Variants in CSMD3 observed in about 807,000 individuals in gnomAD.
CSMD3 encodes CUB and Sushi multiple domains 3.
Under a neutral mutation model 435.2 loss-of-function variants are expected in CSMD3, and 177 were observed. The observed-to-expected ratio is 0.41, with a 90% CI of 0.36 to 0.46. The LOEUF is 0.46. Among genes scored for constraint, CSMD3 ranks in the 20% least tolerant of loss-of-function variants. The probability of loss-of-function intolerance (pLI) is 0.34; values close to 1 mark genes in which losing one functional copy is unlikely to be tolerated. For synonymous variants in CSMD3, 1,656 were observed against 1,520.5 expected (o/e 1.09, Z -2.07); for missense variants, 4,265 against 4,504.6 (o/e 0.95, Z 1.52).
At chr8:112,331,942 T>C (rs1824105096) in intron 45 of CSMD3, among the ~76,000 whole-genome samples, 1 of 152,098 alleles carries the variant, frequency 6.6e-6, no homozygotes, top group African/African-American at 2.4e-5. Flanking sequence ...CTCAAATTAG[T>C]ATTAACAGGC....
chr8:113,028,497 G>A (rs1370358344), intron 5 of CSMD3, among the ~76,000 whole-genome samples: 4 of 151,576 alleles, frequency 2.6e-5, no homozygotes, highest in African/African-American at 9.6e-5. Flanking sequence ...CATGTTGAGA[G>A]CCAAGATAGA....
intron 13 of CSMD3, among the ~76,000 whole-genome samples, chr8:112,724,138 A>G (rs2076917872): frequency 6.6e-6 from 1 of 152,044 alleles, no homozygotes; most frequent in African/African-American, 2.4e-5. Flanking sequence ...AATAGGTTCC[A>G]ATTTTTATTA....
At chr8:113,163,292 T>C (rs2131842421) in intron 4 of CSMD3, among the ~76,000 whole-genome samples, 1 of 152,124 alleles carries the variant, frequency 6.6e-6, no homozygotes, top group East Asian at 1.9e-4. Flanking sequence ...GCATTGTCAA[T>C]GACCTCATCT....
intron 11 of CSMD3, among the ~76,000 whole-genome samples, chr8:112,840,962 A>C (rs763292365): frequency 6.6e-6 from 1 of 151,650 alleles, no homozygotes; most frequent in African/African-American, 2.4e-5. Flanking sequence ...TGGGGGAAGA[A>C]TATAGTAAAT....
intron 38 of CSMD3, among the ~76,000 whole-genome samples, chr8:112,361,006 T>C (rs1411052850): frequency 1.3e-5 from 2 of 151,952 alleles, no homozygotes; most frequent in African/African-American, 4.8e-5. Context: ...CTCTAAAATA[T>C]CTTTGGGAAT....
chr8:112,745,601 T>C (rs1473397857), intron 13 of CSMD3, among the ~76,000 whole-genome samples: 1 of 152,008 alleles, frequency 6.6e-6, no homozygotes, highest in East Asian at 1.9e-4. Context: ...ATTCAGCAAT[T>C]AATGAAGTTA....
intron 1 of CSMD3, among the ~76,000 whole-genome samples, chr8:113,399,019 G>T (rs113961800): frequency 6.9e-6 from 1 of 144,750 alleles, no homozygotes; most frequent in Non-Finnish European, 1.5e-5. Flanking sequence ...AAAGGAGGAA[G>T]TTTTGCATCA....
intron 31 of CSMD3, among the ~76,000 whole-genome samples, chr8:112,477,427 A>C (rs578249268): frequency 6.6e-6 from 1 of 152,244 alleles, no homozygotes; most frequent in South Asian, 2.1e-4. Flanking sequence ...TATAGTTTGA[A>C]TGTTGGTGCC....
chr8:112,418,412 C>T (rs1812139555), intron 32 of CSMD3, among the ~76,000 whole-genome samples: 1 of 152,078 alleles, frequency 6.6e-6, no homozygotes. Context: ...CCTTTTAAAT[C>T]AGTAACATAC....
chr8:113,063,085 A>G (rs1240860986), intron 5 of CSMD3, among the ~76,000 whole-genome samples: 2 of 151,734 alleles, frequency 1.3e-5, no homozygotes, highest in African/African-American at 4.8e-5. Flanking sequence ...AAAAAATTCA[A>G]ATGTTTCAAT....
intron 35 of CSMD3, among the ~76,000 whole-genome samples, chr8:112,398,475 G>T (rs1831039655): frequency 6.6e-6 from 1 of 152,180 alleles, no homozygotes; most frequent in Non-Finnish European, 1.5e-5. Flanking sequence ...AATGCTAAAG[G>T]TGTGGGGCTA....
intron 7 of CSMD3, among the ~76,000 whole-genome samples, chr8:112,962,315 C>T (rs1227970366): frequency 6.6e-6 from 1 of 151,386 alleles, no homozygotes; most frequent in Non-Finnish European, 1.5e-5. Flanking sequence ...TATTTTCTTA[C>T]TCATGATAAA....
intron 12 of CSMD3, among the ~76,000 whole-genome samples, chr8:112,825,175 C>T (rs554157414): frequency 6.6e-6 from 1 of 152,266 alleles, no homozygotes; most frequent in Admixed American, 6.5e-5. Flanking sequence ...ATATTTCTCT[C>T]TATACTGGTT....
chr8:112,623,626 TC>T (rs66468941), intron 22 of CSMD3, among the ~76,000 whole-genome samples: 81,386 of 148,772 alleles, frequency 0.55, 22,553 homozygotes, highest in African/African-American at 0.6. Flanking sequence ...TAACTCGTCA[TC>T]TAGCATTAGG....
intron 7 of CSMD3, among the ~76,000 whole-genome samples, chr8:112,955,435 G>T (rs2083980123): frequency 2.0e-5 from 3 of 151,594 alleles, no homozygotes; most frequent in Admixed American, 2.0e-4. Flanking sequence ...AGGATATTTT[G>T]ATATAAGCAT....
chr8:113,127,724 G>A (rs576846946), intron 4 of CSMD3, among the ~76,000 whole-genome samples: 8 of 152,050 alleles, frequency 5.3e-5, no homozygotes, highest in African/African-American at 1.9e-4. Context: ...AAAATTCTAA[G>A]CATATAATTA....
intron 13 of CSMD3, among the ~76,000 whole-genome samples, chr8:112,700,647 A>G (rs2076369707): frequency 6.6e-6 from 1 of 152,128 alleles, no homozygotes; most frequent in Admixed American, 6.5e-5. Context: ...CTCCTCTTCT[A>G]ATGTTACCAG....
At chr8:113,287,415 C>T (rs1018472412) in intron 2 of CSMD3, among the ~76,000 whole-genome samples, 2 of 152,004 alleles carry the variant, frequency 1.3e-5, no homozygotes, top group South Asian at 2.1e-4. Context: ...TCATGCATAT[C>T]CTATTGATAT....
chr8:113,252,964 G>T (rs145525299), intron 3 of CSMD3, among the ~76,000 whole-genome samples: 231 of 152,286 alleles, frequency 1.5e-3, no homozygotes, highest in African/African-American at 5.4e-3. Flanking sequence ...CGAGTGTTCG[G>T]CTTAAGGAGA....
Sources: allele counts gnomAD v4.1 joint callset (sites outside exome capture counted in the v4.1 genomes callset), GRCh38; gene constraint gnomAD v4.1.1; transcripts MANE v1.5; gene names NCBI Gene and HGNC (gene_info 2026-07-23, HGNC 2026-07-21).